The following MAF variants were observed in gnomAD, a reference collection of about 807,000 sequenced individuals.
The protein encoded by MAF is transcription factor Maf.
A neutral mutation model predicts 22.0 loss-of-function variants in MAF; 10 were observed. The ratio of observed to expected loss-of-function variants is 0.45; its 90% confidence interval spans 0.28 to 0.77. The LOEUF (loss-of-function observed/expected upper bound fraction) is 0.77, where lower values mean the gene tolerates loss of function less well. MAF is among the 30% of genes least tolerant of loss of function. The pLI, the probability that MAF is intolerant of heterozygous loss-of-function variation, is 0.12. For missense variants in MAF, 544 were observed against 548.4 expected (o/e 0.99, Z 0.08); for synonymous variants, 337 against 255.8 (o/e 1.32, Z -3.03).
chr16:79,303,888 A>G, the MAF span, among the ~76,000 whole-genome samples: 5 of 152,204 alleles, frequency 3.3e-5, no homozygotes, highest in African/African-American at 4.8e-5. Context: ...AAATCAACTT[A>G]TGTCATGTCA....
the MAF span, among the ~76,000 whole-genome samples, chr16:79,219,585 G>C: frequency 7.2e-6 from 1 of 138,174 alleles, no homozygotes; most frequent in Non-Finnish European, 1.5e-5. Flanking sequence ...AAGACTCACA[G>C]CTTTTGAAGT....
chr16:79,211,674 T>C, the MAF span: 1 of 1,614,236 alleles, frequency 6.2e-7, no homozygotes, highest in African/African-American at 1.3e-5. Flanking sequence ...GGGAGGGATG[T>C]ACTTCAACAA....
At chr16:79,553,785 A>G in the MAF span, among the ~76,000 whole-genome samples, 2 of 152,048 alleles carry the variant, frequency 1.3e-5, no homozygotes, top group South Asian at 2.1e-4. Context: ...CACTCTCATC[A>G]CTACTTAAAA....
chr16:79,303,240 C>A, the MAF span, among the ~76,000 whole-genome samples: 1 of 152,158 alleles, frequency 6.6e-6, no homozygotes, highest in South Asian at 2.1e-4. Context: ...TTACACCTGT[C>A]ATTGTACTGT....
chr16:79,572,195 C>CCCCA, the MAF span, among the ~76,000 whole-genome samples: 1 of 152,116 alleles, frequency 6.6e-6, no homozygotes. Context: ...ACTTCAAAGC[C>CCCCA]CCCAAATCCT....
chr16:79,289,457 G>C, the MAF span, among the ~76,000 whole-genome samples: 4 of 152,210 alleles, frequency 2.6e-5, no homozygotes, highest in Admixed American at 6.5e-5. Flanking sequence ...CCCACCGTGA[G>C]AGAAGGCAGA....
chr16:79,249,904 A>T, the MAF span, among the ~76,000 whole-genome samples: 1 of 152,198 alleles, frequency 6.6e-6, no homozygotes, highest in African/African-American at 2.4e-5. Flanking sequence ...CACGTAGCCC[A>T]GTGCCTGATG....
chr16:79,419,680 G>A, the MAF span, among the ~76,000 whole-genome samples: 13 of 152,254 alleles, frequency 8.5e-5, no homozygotes, highest in South Asian at 1.5e-3. Flanking sequence ...TTCTGGAGCC[G>A]GGGAGATTTT....
the MAF span, among the ~76,000 whole-genome samples, chr16:79,537,580 G>A: frequency 2.6e-5 from 4 of 152,138 alleles, no homozygotes; most frequent in African/African-American, 9.7e-5. Flanking sequence ...ACTTTGCCTA[G>A]AATTCCGCTC....
chr16:79,431,232 A>G, the MAF span, among the ~76,000 whole-genome samples: 3 of 152,150 alleles, frequency 2.0e-5, no homozygotes, highest in East Asian at 1.9e-4. Flanking sequence ...CTGGGTACCT[A>G]GTAAAGGAAG....
the MAF span, among the ~76,000 whole-genome samples, chr16:79,278,030 T>C: frequency 5.3e-5 from 8 of 152,224 alleles, no homozygotes; most frequent in Non-Finnish European, 1.0e-4. Flanking sequence ...GCATTTTAAT[T>C]GGTGCCCCTG....
chr16:79,546,671 G>T, the MAF span, among the ~76,000 whole-genome samples: 1 of 152,128 alleles, frequency 6.6e-6, no homozygotes, highest in Non-Finnish European at 1.5e-5. Context: ...GGTGCAACAT[G>T]GTCTAGTCAA....
At chr16:79,215,218 G>A in the MAF span, among the ~76,000 whole-genome samples, 1 of 152,142 alleles carries the variant, frequency 6.6e-6, no homozygotes, top group African/African-American at 2.4e-5. Flanking sequence ...TCCATAAGTT[G>A]ACTATATCCA....
chr16:79,428,279 T>C, the MAF span, among the ~76,000 whole-genome samples: 2 of 152,024 alleles, frequency 1.3e-5, no homozygotes, highest in Non-Finnish European at 1.5e-5. Flanking sequence ...GTAGATGGCA[T>C]TGAGCATCCC....
the MAF span, among the ~76,000 whole-genome samples, chr16:79,337,959 T>C: frequency 1.3e-5 from 2 of 152,178 alleles, no homozygotes; most frequent in Non-Finnish European, 1.5e-5. Flanking sequence ...TTCCTTCTTG[T>C]ATGCACTTCA....
At chr16:79,563,046 G>A in the MAF span, among the ~76,000 whole-genome samples, 1 of 152,206 alleles carries the variant, frequency 6.6e-6, no homozygotes, top group African/African-American at 2.4e-5. Flanking sequence ...TCAAGTCAGT[G>A]TTACATCTAG....
the MAF span, among the ~76,000 whole-genome samples, chr16:79,409,049 C>G: frequency 2.2e-4 from 33 of 151,244 alleles, no homozygotes; most frequent in African/African-American, 6.6e-4. Flanking sequence ...GGGGAGTCAC[C>G]TAGACTACAG....
chr16:79,512,761 T>C, the MAF span, among the ~76,000 whole-genome samples: 2 of 151,672 alleles, frequency 1.3e-5, no homozygotes, highest in Admixed American at 6.6e-5. Context: ...CAGGAAAAAA[T>C]GTGGGTTTGC....
chr16:79,237,336 T>G, the MAF span, among the ~76,000 whole-genome samples: 3 of 152,136 alleles, frequency 2.0e-5, no homozygotes, highest in African/African-American at 7.2e-5. Flanking sequence ...TTGGTCACAT[T>G]AAAGCCTCAT....
Sources: gnomAD v4.1 joint callset for allele counts (sites outside exome capture counted in the v4.1 genomes callset) on GRCh38, gnomAD v4.1.1 for gene constraint, MANE v1.5 for transcripts, NCBI Gene and HGNC (gene_info 2026-07-23, HGNC 2026-07-21) for gene names.